The following FRY variants were observed in gnomAD, a reference collection of about 807,000 sequenced individuals.
FRY encodes FRY microtubule binding protein, also known as protein furry homolog.
A neutral mutation model predicts 348.4 loss-of-function variants in FRY; 128 were observed. The ratio of observed to expected loss-of-function variants is 0.37; its 90% CI spans 0.32 to 0.43. FRY has a LOEUF of 0.43. Ranked by LOEUF, FRY falls within the 20% of genes least tolerant of loss-of-function variation. FRY has a pLI of 1.00. For missense variants in FRY, 2,736 were observed against 3,695.2 expected, an observed-to-expected ratio of 0.74 and a Z score of 6.73; for synonymous variants, 1,370 against 1,374.7, an observed-to-expected ratio of 1.00 and a Z score of 0.08.
chr13:32,212,466 T>G, intron 35 of FRY, 84 bp downstream of exon 35: 1 of 868,842 alleles, frequency 1.2e-6, no homozygotes, highest in South Asian at 1.5e-5. Context: ...TTGTGGAGTT[T>G]CATAAATTTT....
intron 29 of FRY, among the ~76,000 whole-genome samples, chr13:32,195,705 A>G (rs1250983947): frequency 6.6e-6 from 1 of 152,242 alleles, no homozygotes; most frequent in Non-Finnish European, 1.5e-5. Context: ...CTCAATTTCA[A>G]TAATATCTCT....
intron 14 of FRY, among the ~76,000 whole-genome samples, chr13:32,154,605 T>A (rs1366842363): frequency 6.6e-6 from 1 of 152,188 alleles, no homozygotes; most frequent in Non-Finnish European, 1.5e-5. Flanking sequence ...GTGTTAAGGA[T>A]GAAAGTTAAT....
At chr13:32,160,979 C>A (rs1254288364) in intron 16 of FRY, among the ~76,000 whole-genome samples, 165 bp from the exon 17 acceptor site, 2 of 152,148 alleles carry the variant, frequency 1.3e-5, no homozygotes, top group Admixed American at 1.3e-4. Context: ...TTTATTAGAA[C>A]TGGTCAAGCT....
At chr13:32,162,268 A>G (rs1881489380) in intron 17 of FRY, among the ~76,000 whole-genome samples, 1 of 152,216 alleles carries the variant, frequency 6.6e-6, no homozygotes, top group South Asian at 2.1e-4. Context: ...AGGATAACAA[A>G]TAGTCATGCT....
chr13:32,071,881 CAAAAT>C (rs1476701434), intron 1 of FRY, among the ~76,000 whole-genome samples: 2 of 151,516 alleles, frequency 1.3e-5, no homozygotes, highest in Non-Finnish European at 2.9e-5. Flanking sequence ...CTTCTGTTAA[CAAAAT>C]AAAATAAAAA....
At chr13:32,150,153 G>C (rs1002006277) in intron 14 of FRY, among the ~76,000 whole-genome samples, 1 of 152,186 alleles carries the variant, frequency 6.6e-6, no homozygotes, top group African/African-American at 2.4e-5. Flanking sequence ...GCTTTTACTT[G>C]TAACTGTTCA....
Position 32,247,400 on chromosome 13 carries a change from C to T in FRY, c.6906C>T (p.Tyr2302=). Residue 2302 remains tyrosine (Y), a synonymous_variant, in exon 48 of 61, where the codon TAC becomes TAT. Transcript: ENST00000542859. ...CAGCCAGCCTTGTTTTACCTTCATACCAGCACAGTGACCTCTCAAAAATAG... is the reference window on the plus strand; with the variant it reads ...CAGCCAGCCTTGTTTTACCTTCATATCAGCACAGTGACCTCTCAAAAATAG... ...SRSASLVLPS[Y]QHSDLSKIEI... The T allele has an allele frequency of 1.9e-6, 3 of 1,612,864 alleles. No individual in the cohort carries two copies. The highest frequency in any genetic ancestry group is 2.2e-5 in the South Asian group (2 of 91,036).
chr13:32,173,070 G>A (rs748155622), intron 18 of FRY, among the ~76,000 whole-genome samples: 1 of 152,230 alleles, frequency 6.6e-6, no homozygotes, highest in Admixed American at 6.5e-5. Context: ...ATACCAAGTG[G>A]TATACATGAA....
At chr13:32,283,168 GA>G (rs889552223) in intron 58 of FRY, among the ~76,000 whole-genome samples, 10 of 151,090 alleles carry the variant, frequency 6.6e-5, no homozygotes, top group East Asian at 1.9e-4. Context: ...CAACAACAAC[GA>G]AAAAAACTTT....
At chr13:32,050,317 G>A (rs1217099526) in intron 1 of FRY, among the ~76,000 whole-genome samples, 1 of 152,148 alleles carries the variant, frequency 6.6e-6, no homozygotes, top group African/African-American at 2.4e-5. Context: ...GAAAAATATA[G>A]TGTAATTTTC....
chr13:32,170,696 CT>C (rs1882007778), intron 17 of FRY, among the ~76,000 whole-genome samples: 1 of 152,158 alleles, frequency 6.6e-6, no homozygotes, highest in Admixed American at 6.5e-5. Flanking sequence ...GCCACCACAC[CT>C]GGCTAATTTT....
chr13:32,267,074 C>T, intron 54 of FRY, 96 bp from the exon 55 acceptor site: 1 of 1,095,908 alleles, frequency 9.1e-7, no homozygotes. Context: ...AGAATAGCTA[C>T]CTCATTTTGC....
intron 36 of FRY, among the ~76,000 whole-genome samples, chr13:32,219,152 C>T (rs1885173107): frequency 6.7e-6 from 1 of 149,466 alleles, no homozygotes; most frequent in Non-Finnish European, 1.5e-5. Context: ...GCAGTGGCAC[C>T]ATCTCAGCTC....
At chr13:32,213,979 T>A (rs1294593722) in intron 35 of FRY, among the ~76,000 whole-genome samples, 1 of 152,272 alleles carries the variant, frequency 6.6e-6, no homozygotes, top group Non-Finnish European at 1.5e-5. Flanking sequence ...TCTACCCATA[T>A]ATATCACACA....
chr13:32,109,764 G>A (rs1175306768), intron 3 of FRY, among the ~76,000 whole-genome samples: 1 of 152,144 alleles, frequency 6.6e-6, no homozygotes, highest in African/African-American at 2.4e-5. Context: ...TGCATACTGA[G>A]TTTTCAGGGA....
chr13:32,236,966 A>T (rs541756004), intron 43 of FRY, among the ~76,000 whole-genome samples: 2 of 152,304 alleles, frequency 1.3e-5, no homozygotes, highest in East Asian at 3.9e-4. Context: ...ATTTCCTTTG[A>T]CATGAACATT....
At chr13:32,269,855 T>C (rs1888118724) in intron 55 of FRY, among the ~76,000 whole-genome samples, 1 of 152,248 alleles carries the variant, frequency 6.6e-6, no homozygotes, top group African/African-American at 2.4e-5. Context: ...GCCCTTCTTA[T>C]AATCCATTTT....
At chr13:32,226,239 GCATTGGAAATGTAAGTGCC>G (rs1885574619) in intron 39 of FRY, among the ~76,000 whole-genome samples, 3 of 152,242 alleles carry the variant, frequency 2.0e-5, no homozygotes, top group Admixed American at 2.0e-4. Flanking sequence ...TCCTCCTGAT[GCATTGGAAATGTAAGTGCC>G]CATTGGCCAG....
chr13:32,195,535 C>T (rs903119505), intron 29 of FRY, among the ~76,000 whole-genome samples: 2 of 152,182 alleles, frequency 1.3e-5, no homozygotes, highest in African/African-American at 2.4e-5. Context: ...TTCACCTCTT[C>T]GCTGCCCTTC....
Sources: allele counts gnomAD v4.1 joint callset (sites outside exome capture counted in the v4.1 genomes callset), GRCh38; gene constraint gnomAD v4.1.1; transcripts MANE v1.5; gene names NCBI Gene and HGNC (gene_info 2026-07-23, HGNC 2026-07-21).